PDE6G: variants seen among roughly 807,000 people sequenced by gnomAD.
The protein encoded by PDE6G is phosphodiesterase 6G.
Under a neutral mutation model 10.9 loss-of-function variants are expected in PDE6G, and 10 were observed. The ratio of observed to expected loss-of-function variants is 0.91; its 90% CI spans 0.56 to 1.55. PDE6G has a LOEUF of 1.55. Among genes scored for constraint, PDE6G ranks in the 40% most tolerant of loss-of-function variants. The pLI is 0.00. For missense variants in PDE6G, 102 were observed against 110.1 expected (o/e 0.93, Z 0.33); for synonymous variants, 41 against 42.8 (o/e 0.96, Z 0.16).
In PDE6G at chr17:81,653,159, C is replaced by A; in HGVS notation, c.146+1G>T. On this transcript the variant is annotated splice_donor_variant, in intron 2 of 3. Transcript: ENST00000331056. LOFTEE classifies it high-confidence loss of function. The surrounding 1 kb of genome is among the most constrained non-coding windows in gnomAD (Gnocchi z 5.2). Reference sequence around the variant, plus strand: ...AGGCCCCATCCCCCAGCTCTGCTTACCCTTGAACGCCTTTCTTTGGGGGCT... The same window carrying A: ...AGGCCCCATCCCCCAGCTCTGCTTAACCTTGAACGCCTTTCTTTGGGGGCT... The A allele has an allele frequency of 6.2e-7, 1 of 1,613,092 alleles. No homozygotes were observed. The highest frequency in any genetic ancestry group is 2.2e-5 in the East Asian group (1 of 44,822).
At chr17:81,655,037 G>A (rs575149072) in intron 1 of PDE6G, among the ~76,000 whole-genome samples, 87 of 152,220 alleles carry the variant, frequency 5.7e-4, no homozygotes, top group African/African-American at 2.0e-3. Flanking sequence ...GATTACAGGC[G>A]TGAGCCACTG....
chr17:81,654,503 C>T (rs1164799833), intron 1 of PDE6G, among the ~76,000 whole-genome samples: 3 of 151,626 alleles, frequency 2.0e-5, no homozygotes, highest in African/African-American at 4.8e-5. Flanking sequence ...CCTCAGCCTC[C>T]GGAGTAGCTC....
At chr17:81,656,713 A>C, upstream of PDE6G, 1 of 691,440 alleles carries the variant, frequency 1.4e-6, no homozygotes, top group Middle Eastern at 2.4e-4. Flanking sequence ...AAGGACACCC[A>C]GCAGATGGGG....
chr17:81,654,330 G>A (rs1210113531), intron 1 of PDE6G, among the ~76,000 whole-genome samples: 3 of 149,608 alleles, frequency 2.0e-5, no homozygotes, highest in Non-Finnish European at 4.4e-5. Flanking sequence ...CGTCGAGTTA[G>A]CCCTGATTCC....
At chr17:81,662,183 T>C (rs1051587653) in intron 1 of PDE6G, among the ~76,000 whole-genome samples, 4 of 152,134 alleles carry the variant, frequency 2.6e-5, no homozygotes, top group African/African-American at 9.7e-5. Context: ...TGTGTCCACG[T>C]TGGGCACATG....
Position 81,656,474 on chromosome 17 carries a change from G to T in PDE6G, c.-60+19C>A, listed in dbSNP as rs748268732. ...GGAAGTGGCTGCCAGGAAAGACAGC[G>T]GGGTTGGCCACTACTCACCAAGTGC... On this transcript the variant is annotated intron_variant, in intron 1 of 3. Transcript: ENST00000331056. 3 of 759,266 alleles carry T rather than the reference G, an allele frequency of 4.0e-6. No homozygotes were observed. The highest frequency in any genetic ancestry group is 7.2e-6 in the Non-Finnish European group (3 of 415,650). The allele number at this position is 759,266 out of a possible 1,614,324, so 47.0% of individuals were successfully genotyped here.
chr17:81,659,753 C>T (rs62080197), upstream of PDE6G, among the ~76,000 whole-genome samples: 2,541 of 152,222 alleles, frequency 0.017, 29 homozygotes, highest in Middle Eastern at 0.034. Context: ...AATTTTAGCC[C>T]TCTACGTAAT....
At chr17:81,659,350 G>C (rs2036488144), upstream of PDE6G, among the ~76,000 whole-genome samples, 1 of 151,906 alleles carries the variant, frequency 6.6e-6, no homozygotes, top group African/African-American at 2.4e-5. Flanking sequence ...GCTCATCCCT[G>C]TACTTTTGGA....
Position 81,651,041 on chromosome 17 carries a change from G to A in PDE6G, c.*33C>T, listed in dbSNP as rs763966921. 1.5e-5 allele frequency: 23 copies of A among 1,494,610 alleles called. No individual in the cohort carries two copies. Among genetic ancestry groups the A allele is most frequent in the Non-Finnish European group, 2.1e-5 (23 of 1,071,360 alleles). The allele number at this position is 1,494,610 out of a possible 1,614,324, so 92.6% of individuals were successfully genotyped here. On this transcript the variant is annotated 3_prime_UTR_variant, in exon 4 of 4. Transcript: ENST00000331056. This position sits in a 1 kb window ranked among gnomAD's most constrained non-coding sequence, Gnocchi z 4.8. ...AGGGTTTAGAGCACAGTGGGCAGGAGGGGGAGGGTCTGGACTTCAGCAGGG... is the reference window on the plus strand; with the variant it reads ...AGGGTTTAGAGCACAGTGGGCAGGAAGGGGAGGGTCTGGACTTCAGCAGGG...
chr17:81,651,164 G>T lies in PDE6G; in HGVS notation c.188-14C>A, dbSNP rs368640487. ...TGACTGTGATGTCTGTGGGAGAAACGGGCCACGGATCAGAGAGGATCCCAC... is the reference window on the plus strand; with the variant it reads ...TGACTGTGATGTCTGTGGGAGAAACTGGCCACGGATCAGAGAGGATCCCAC... On this transcript the variant is annotated splice_polypyrimidine_tract_variant and intron_variant, in intron 3 of 3. Transcript: ENST00000331056. The surrounding 1 kb of genome is among the most constrained non-coding windows in gnomAD (Gnocchi z 4.8). 35 of 1,603,714 alleles carry T rather than the reference G, an allele frequency of 2.2e-5. No individual in the cohort carries two copies. The African/African-American group carries it at 4.7e-4, about 21-fold the overall frequency.
chr17:81,651,717 G>C lies in PDE6G; in HGVS notation c.147-32C>G. 6.2e-7 allele frequency: 1 copy of C among 1,611,596 alleles called. No homozygotes were observed. Among genetic ancestry groups the C allele is most frequent in the Non-Finnish European group, 8.5e-7 (1 of 1,178,344 alleles). On this transcript the variant is annotated intron_variant, in intron 2 of 3. Coordinates refer to ENST00000331056, the MANE Select transcript of PDE6G (RefSeq NM_002602.4). This position sits in a 1 kb window ranked among gnomAD's most constrained non-coding sequence, Gnocchi z 4.8. Reference sequence around the variant, plus strand: ...GGACAGAGCACTCAGGGACATGGCCGGGCCCAGTCCTGGCTCAGTCAGCCT... The same window carrying C: ...GGACAGAGCACTCAGGGACATGGCCCGGCCCAGTCCTGGCTCAGTCAGCCT...
intron 1 of PDE6G, 36 bp downstream of exon 1, chr17:81,656,457 C>T: frequency 1.3e-6 from 1 of 746,580 alleles, no homozygotes; most frequent in Non-Finnish European, 2.4e-6. Context: ...GGGGAAGTGG[C>T]TGCCAGGAAA....
rs1351708781 is a variant in PDE6G at position 81,653,341 on chromosome 17, T to C, written c.-36A>G. On this transcript the variant is annotated 5_prime_UTR_variant, in exon 2 of 4. Transcript: ENST00000331056. The surrounding 1 kb of genome is among the most constrained non-coding windows in gnomAD (Gnocchi z 5.2). ...ACGGAGACACCGCGGCAACCTTGGC[T>C]CCTGGACTCCCTCCTGCTGCGGTCT... 1.9e-6 allele frequency: 3 copies of C among 1,606,736 alleles called. No individual in the cohort carries two copies. The highest frequency in any genetic ancestry group is 2.5e-6 in the Non-Finnish European group (3 of 1,179,506).
At chr17:81,659,497 G>C (rs1389395477), upstream of PDE6G, among the ~76,000 whole-genome samples, 2 of 151,962 alleles carry the variant, frequency 1.3e-5, no homozygotes, top group Non-Finnish European at 2.9e-5. Context: ...TGCCAGGGAG[G>C]CTGCGGCAGG....
chr17:81,653,428 A>C lies in PDE6G; in HGVS notation c.-59-64T>G. On this transcript the variant is annotated intron_variant, in intron 1 of 3. Coordinates refer to ENST00000331056, the MANE Select transcript of PDE6G (RefSeq NM_002602.4). This position sits in a 1 kb window ranked among gnomAD's most constrained non-coding sequence, Gnocchi z 5.2. ...TGCTTCCAACCCTTGTGGGGGTCTC[A>C]ACCCACCGGTGGAGGGGCTGAGACC... is the stretch of plus-strand genomic sequence containing the variant. The C allele has an allele frequency of 1.7e-6, 2 of 1,165,272 alleles. No individual in the cohort carries two copies. The highest frequency in any genetic ancestry group is 2.5e-6 in the Non-Finnish European group (2 of 816,128). 72.2% of individuals were successfully genotyped at this position (1,165,272 alleles called of 1,614,324 possible).
At chr17:81,654,453 C>T (rs1365595091) in intron 1 of PDE6G, among the ~76,000 whole-genome samples, 3 of 147,414 alleles carry the variant, frequency 2.0e-5, no homozygotes, top group African/African-American at 7.6e-5. Context: ...GATCTTGGCT[C>T]ACTGCAACTT....
chr17:81,653,710 T>C lies in PDE6G; in HGVS notation c.-59-346A>G. 1 of 235,364 alleles carries C rather than the reference T, an allele frequency of 4.2e-6. No individual in the cohort carries two copies. Among genetic ancestry groups the C allele is most frequent in the East Asian group, 1.0e-4 (1 of 9,850 alleles). 14.6% of individuals were successfully genotyped at this position (235,364 alleles called of 1,614,324 possible). ...GAGCCTGGAGTCCTCACCACCTCCC[T>C]GTGGGTGACCACTGACAACTTCCTG... On this transcript the variant is annotated intron_variant, in intron 1 of 3. Coordinates refer to ENST00000331056, the MANE Select transcript of PDE6G (RefSeq NM_002602.4). The surrounding 1 kb of genome is among the most constrained non-coding windows in gnomAD (Gnocchi z 5.2).
In PDE6G at chr17:81,653,377, C is replaced by T. The variant is rs1568186917; in HGVS notation, c.-59-13G>A. On this transcript the variant is annotated splice_polypyrimidine_tract_variant and intron_variant, in intron 1 of 3. Coordinates refer to ENST00000331056, the MANE Select transcript of PDE6G (RefSeq NM_002602.4). This position sits in a 1 kb window ranked among gnomAD's most constrained non-coding sequence, Gnocchi z 5.2. Reference sequence around the variant, plus strand: ...CTCCTGCTGCGGTCTGGGGGCAGACCAGGCCCGGGTCCCAGTCAGCCCTCC... The same window carrying T: ...CTCCTGCTGCGGTCTGGGGGCAGACTAGGCCCGGGTCCCAGTCAGCCCTCC... The T allele has an allele frequency of 6.4e-7, 1 of 1,566,498 alleles. No homozygotes were observed. Among genetic ancestry groups the T allele is most frequent in the Non-Finnish European group, 8.7e-7 (1 of 1,153,992 alleles).
chr17:81,653,043 A>G lies in PDE6G; in HGVS notation c.146+117T>C. On this transcript the variant is annotated intron_variant, in intron 2 of 3. Coordinates refer to ENST00000331056, the MANE Select transcript of PDE6G (RefSeq NM_002602.4). This position sits in a 1 kb window ranked among gnomAD's most constrained non-coding sequence, Gnocchi z 5.2. ...CACCGCCCTACCTTCCCCAGCTGTG[A>G]GGCTGGGACCACTCACCCAGTGAAG... The G allele has an allele frequency of 4.2e-6, 5 of 1,184,924 alleles. No homozygotes were observed. The East Asian group carries it at 1.2e-4, about 28-fold the overall frequency. The allele number at this position is 1,184,924 out of a possible 1,614,324, so 73.4% of individuals were successfully genotyped here. A position where few individuals can be genotyped will look rare whatever the true frequency, so the allele number is the denominator to read the frequency against.
Sources: allele counts gnomAD v4.1 joint callset (sites outside exome capture counted in the v4.1 genomes callset), GRCh38; gene constraint gnomAD v4.1.1; non-coding constraint Gnocchi (gnomAD v3.1); transcripts MANE v1.5; gene names NCBI Gene and HGNC (gene_info 2026-07-23, HGNC 2026-07-21).